MTREX: variants seen among roughly 807,000 people sequenced by gnomAD.
MTREX encodes exosome RNA helicase MTR4.
Under a neutral mutation model 135.4 loss-of-function variants are expected in MTREX, and 76 were observed. The ratio of observed to expected loss-of-function variants is 0.56; its 90% CI spans 0.47 to 0.68. The LOEUF is 0.68. Ranked by LOEUF, MTREX falls within the 30% of genes least tolerant of loss-of-function variation. The pLI is 0.00. For missense variants in MTREX, 920 were observed against 1,262.1 expected (o/e 0.73, Z 4.11); for synonymous variants, 404 against 401.6 (o/e 1.01, Z -0.07).
chr5:55,338,584 A>T, intron 5 of MTREX, among the ~76,000 whole-genome samples: 2 of 146,072 alleles, frequency 1.4e-5, no homozygotes, highest in African/African-American at 2.5e-5. Flanking sequence ...CCTCTTTCTT[A>T]TTTTGGAATT....
intron 14 of MTREX, among the ~76,000 whole-genome samples, chr5:55,355,429 C>T (rs1171519625): frequency 6.6e-6 from 1 of 152,154 alleles, no homozygotes; most frequent in African/African-American, 2.4e-5. Flanking sequence ...TCCCTTTAAC[C>T]CCTCCACTGT....
intron 16 of MTREX, among the ~76,000 whole-genome samples, chr5:55,368,597 T>C (rs1750142848): frequency 6.6e-6 from 1 of 152,196 alleles, no homozygotes; most frequent in African/African-American, 2.4e-5. Context: ...TCCACTCTTA[T>C]TTTACTTTAT....
At chr5:55,317,222 A>G (rs1225301103) in intron 1 of MTREX, among the ~76,000 whole-genome samples, 1 of 152,250 alleles carries the variant, frequency 6.6e-6, no homozygotes, top group East Asian at 1.9e-4. Flanking sequence ...GCCCAAAGCA[A>G]TGTACAGATT....
chr5:55,310,031 G>C (rs1298536580), intron 1 of MTREX, among the ~76,000 whole-genome samples: 1 of 152,006 alleles, frequency 6.6e-6, no homozygotes, highest in Non-Finnish European at 1.5e-5. Context: ...TGTTTGAATG[G>C]GCAACTATGA....
intron 16 of MTREX, among the ~76,000 whole-genome samples, chr5:55,370,141 T>G (rs1750173447): frequency 6.6e-6 from 1 of 152,180 alleles, no homozygotes; most frequent in Non-Finnish European, 1.5e-5. Flanking sequence ...CAAGCTGGTC[T>G]CAAACTCCCA....
chr5:55,317,998 G>C (rs1327155168), intron 1 of MTREX, among the ~76,000 whole-genome samples: 3 of 151,944 alleles, frequency 2.0e-5, no homozygotes, highest in African/African-American at 7.3e-5. Flanking sequence ...ACATACATGG[G>C]GCCAGAAAGC....
Position 55,384,922 on chromosome 5 carries a change from C to A in MTREX, c.2053-3052C>A, listed in dbSNP as rs79882623. Among the ~76,000 whole-genome samples, 321 of 152,282 alleles carry A rather than the reference C, an allele frequency of 2.1e-3. 2 individuals carry two copies. Among genetic ancestry groups the A allele is most frequent in the African/African-American group, 7.3e-3 (305 of 41,536 alleles). ...ACTATCATTTTTAAAACCAGGTTCT[C>A]TTCTGCAAACTATCTGCTGTACAAT... On this transcript the variant is annotated intron_variant, in intron 18 of 26. Coordinates refer to ENST00000230640, the MANE Select transcript of MTREX (RefSeq NM_015360.5).
At chr5:55,353,336 A>C (rs931559847) in intron 14 of MTREX, 67 bp downstream of exon 14, 2 of 994,704 alleles carry the variant, frequency 2.0e-6, no homozygotes, top group Non-Finnish European at 3.0e-6. Flanking sequence ...ACTGGCTTAC[A>C]TAGTCTTTGA....
intron 22 of MTREX, 31 bp downstream of exon 22, chr5:55,405,619 A>AT (rs751309404): frequency 5.7e-3 from 7,999 of 1,401,238 alleles, no homozygotes; most frequent in Non-Finnish European, 6.3e-3. Context: ...TAGAAAGTTC[A>AT]TTTTTTTTTT....
chr5:55,329,076 T>C (rs1749427110), intron 5 of MTREX, among the ~76,000 whole-genome samples: 1 of 152,192 alleles, frequency 6.6e-6, no homozygotes. Context: ...CACAGATGCT[T>C]TTTATTTATC....
In MTREX at chr5:55,320,397, G is replaced by A. The variant is rs535565895; in HGVS notation, c.135-1930G>A. Among the ~76,000 whole-genome samples the A allele has an allele frequency of 1.1e-3, 164 of 152,086 alleles. 4 individuals carry two copies. In the Middle Eastern group the frequency reaches 0.058, roughly 54 times the overall value. ...ACCCGGCTAATTTTTTGTATTTTTA[G>A]TAGAGACGACGGGGTTTCACCGTGT... is the stretch of plus-strand genomic sequence containing the variant. On this transcript the variant is annotated intron_variant, in intron 1 of 26. Coordinates refer to ENST00000230640, the MANE Select transcript of MTREX (RefSeq NM_015360.5).
intron 3 of MTREX, among the ~76,000 whole-genome samples, chr5:55,325,341 T>TG (rs541276497): frequency 2.0e-5 from 3 of 147,272 alleles, no homozygotes; most frequent in South Asian, 2.2e-4. Context: ...TTTTTTTTGT[T>TG]TTTTTTTTTT....
intron 18 of MTREX, among the ~76,000 whole-genome samples, chr5:55,381,393 G>A (rs914865776): frequency 1.3e-5 from 2 of 151,984 alleles, no homozygotes; most frequent in Non-Finnish European, 2.9e-5. Flanking sequence ...AATTATAGAG[G>A]TTTTACAATT....
chr5:55,418,609 A>G (rs1035175058), intron 25 of MTREX, among the ~76,000 whole-genome samples: 2 of 151,840 alleles, frequency 1.3e-5, no homozygotes, highest in African/African-American at 4.8e-5. Flanking sequence ...AATTAGATCT[A>G]ACATCTGCAT....
chr5:55,362,561 A>T (rs560647728), intron 15 of MTREX, among the ~76,000 whole-genome samples: 1 of 151,676 alleles, frequency 6.6e-6, no homozygotes, highest in Non-Finnish European at 1.5e-5. Flanking sequence ...GGATTTCGCC[A>T]TGTTAGCCAG....
intron 19 of MTREX, among the ~76,000 whole-genome samples, chr5:55,391,840 T>C (rs372091998): frequency 3.3e-5 from 5 of 152,158 alleles, no homozygotes; most frequent in African/African-American, 1.2e-4. Context: ...CATATATTGA[T>C]TTATAACTGC....
At chr5:55,390,177 ACTACCACCTCTGCCTC>A (rs1479665366) in intron 19 of MTREX, among the ~76,000 whole-genome samples, 1 of 152,072 alleles carries the variant, frequency 6.6e-6, no homozygotes, top group Non-Finnish European at 1.5e-5. Context: ...ATCTTGGCTC[ACTACCACCTCTGCCTC>A]CTGGGTCCAA....
intron 3 of MTREX, 38 bp from the exon 4 acceptor site, chr5:55,327,678 T>C (rs1749404816): frequency 6.7e-7 from 1 of 1,502,376 alleles, no homozygotes; most frequent in South Asian, 1.1e-5. Flanking sequence ...TCTCAAATAG[T>C]TGGTGAGGTT....
chr5:55,415,316 G>T (rs1416370978), intron 24 of MTREX, among the ~76,000 whole-genome samples: 1 of 151,904 alleles, frequency 6.6e-6, no homozygotes, highest in Non-Finnish European at 1.5e-5. Flanking sequence ...AGTTTACCTA[G>T]ATAAGAAACC....
Sources: allele counts gnomAD v4.1 joint callset (sites outside exome capture counted in the v4.1 genomes callset), GRCh38; gene constraint gnomAD v4.1.1; transcripts MANE v1.5; gene names NCBI Gene and HGNC (gene_info 2026-07-23, HGNC 2026-07-21).